ARHGAP32: variants seen among roughly 807,000 people sequenced by gnomAD.
ARHGAP32 encodes the protein Rho GTPase activating protein 32, also known as rho GTPase-activating protein 32.
A neutral mutation model predicts 186.5 loss-of-function variants in ARHGAP32; 51 were observed. The ratio of observed to expected loss-of-function variants is 0.27; its 90% CI spans 0.22 to 0.35. The LOEUF (loss-of-function observed/expected upper bound fraction) is 0.35, where lower values mean the gene tolerates loss of function less well. Among genes scored for constraint, ARHGAP32 ranks in the 10% least tolerant of loss-of-function variants. ARHGAP32 has a pLI of 1.00. For missense variants in ARHGAP32, 2,186 were observed against 2,623.5 expected (o/e 0.83, Z 3.64); for synonymous variants, 950 against 964.3 (o/e 0.99, Z 0.27).
chr11:129,192,160 G>C lies in ARHGAP32; in HGVS notation c.39C>G (p.Asp13Glu), dbSNP rs766679457. The C allele has an allele frequency of 6.2e-7, 1 of 1,613,794 alleles. No individual in the cohort carries two copies. Among genetic ancestry groups the C allele is most frequent in the Non-Finnish European group, 8.5e-7 (1 of 1,179,810 alleles). The stretch of plus-strand genomic sequence containing the variant: ...CTTCAGACTCCAACCAGAAGACACT[G>C]TCATCCCCTAAAGTGCTACTCTCAC... Reference protein sequence around the residue: ...TESESSTLGDDSVFWLESEVI... With the variant: ...TESESSTLGDESVFWLESEVI... Residue 13 changes from aspartate (D) to glutamate (E), a missense_variant, in exon 1 of 23, where the codon GAC (aspartate) becomes GAG (glutamate). Coordinates refer to ENST00000682385, the MANE Select transcript of ARHGAP32 (RefSeq NM_001378024.1).
chr11:129,193,549 A>C (rs370041266), upstream of ARHGAP32, among the ~76,000 whole-genome samples: 1 of 50,026 alleles, frequency 2.0e-5, no homozygotes, highest in Non-Finnish European at 3.4e-5. Context: ...TATTATATAT[A>C]ATATATATAT....
At position 128,985,852 on chromosome 11, in the gene ARHGAP32, G is replaced by A. The variant is rs1186416414; in HGVS notation, c.1526+151C>T. 345 of 129,770 alleles carry A rather than the reference G, an allele frequency of 2.7e-3. 1 individual carries two copies. The highest frequency in any genetic ancestry group is 0.013 in the African/African-American group (304 of 22,770). 8.0% of individuals were successfully genotyped at this position (129,770 alleles called of 1,614,324 possible). On this transcript the variant is annotated intron_variant, in intron 15 of 22. Transcript: ENST00000682385. ...TGTGCGTGTGTGTGTGTGTGTGTGT[G>A]TGTGTGTATATATATATATATATAT...
intron 17 of ARHGAP32, 71 bp from the exon 18 acceptor site, chr11:128,980,819 T>A (rs1372120482): frequency 4.5e-5 from 50 of 1,115,812 alleles, no homozygotes; most frequent in Non-Finnish European, 5.7e-5. Flanking sequence ...AGTATCTATC[T>A]CTCCATCTAT....
At chr11:129,058,183 A>AT in intron 10 of ARHGAP32, among the ~76,000 whole-genome samples, 1 of 75,140 alleles carries the variant, frequency 1.3e-5, no homozygotes, top group Admixed American at 1.4e-4. Flanking sequence ...ACAGAAAAAA[A>AT]AATATACACA....
At chr11:129,108,059 A>G (rs1565425998) in intron 5 of ARHGAP32, among the ~76,000 whole-genome samples, 1 of 152,148 alleles carries the variant, frequency 6.6e-6, no homozygotes, top group Admixed American at 6.5e-5. Context: ...AATTCAATTA[A>G]ATAAGAAAGA....
At chr11:129,261,637 G>GT (rs1411739075) in intron 1 of ARHGAP32, among the ~76,000 whole-genome samples, 1 of 152,150 alleles carries the variant, frequency 6.6e-6, no homozygotes, top group Non-Finnish European at 1.5e-5. Context: ...CCTCTCTTCT[G>GT]TGTTAAACAA....
At chr11:129,131,916 C>T (rs1942819248) in intron 2 of ARHGAP32, among the ~76,000 whole-genome samples, 2 of 152,152 alleles carry the variant, frequency 1.3e-5, no homozygotes, top group South Asian at 4.1e-4. Flanking sequence ...AAAAATAGTG[C>T]AAGACAAGAC....
Position 129,123,563 on chromosome 11 carries a change from A to G in ARHGAP32, c.360-33T>C. ...ACATGAAATAAATAAGAAACGAGAT[A>G]GTGAAACAGTAAAAATTACTAAGTT... On this transcript the variant is annotated intron_variant, in intron 4 of 22. Coordinates refer to ENST00000682385, the MANE Select transcript of ARHGAP32 (RefSeq NM_001378024.1). The surrounding 1 kb of genome is among the most constrained non-coding windows in gnomAD (Gnocchi z 4.6). 6.4e-7 allele frequency: 1 copy of G among 1,566,962 alleles called. No individual in the cohort carries two copies. The highest frequency in any genetic ancestry group is 1.1e-5 in the South Asian group (1 of 88,788).
chr11:129,089,805 G>A (rs902534594), intron 6 of ARHGAP32, among the ~76,000 whole-genome samples: 1 of 152,292 alleles, frequency 6.6e-6, no homozygotes, highest in African/African-American at 2.4e-5. Flanking sequence ...GCTTGAGCTA[G>A]CTTGGTAACA....
intron 10 of ARHGAP32, among the ~76,000 whole-genome samples, chr11:129,055,700 T>C (rs555293511): frequency 5.9e-5 from 9 of 152,104 alleles, no homozygotes; most frequent in African/African-American, 7.2e-5. Context: ...TACTATACGA[T>C]TCCAACAATA....
intron 10 of ARHGAP32, among the ~76,000 whole-genome samples, chr11:129,043,970 G>T (rs778308767): frequency 9.2e-5 from 14 of 151,908 alleles, no homozygotes; most frequent in Admixed American, 2.0e-4. Context: ...GCAATAAAGT[G>T]GAAACTCATT....
At chr11:129,080,107 A>G (rs1328157818) in intron 6 of ARHGAP32, among the ~76,000 whole-genome samples, 1 of 152,188 alleles carries the variant, frequency 6.6e-6, no homozygotes, top group African/African-American at 2.4e-5. Context: ...TTGTAAAATA[A>G]TAACTACTAG....
chr11:129,147,527 G>A (rs975945785), intron 2 of ARHGAP32, among the ~76,000 whole-genome samples: 1 of 152,118 alleles, frequency 6.6e-6, no homozygotes, highest in Non-Finnish European at 1.5e-5. Flanking sequence ...TAGGCGTATG[G>A]GATTTTGTTT....
chr11:129,274,839 C>T (rs7107758), intron 1 of ARHGAP32, among the ~76,000 whole-genome samples: 131,952 of 151,674 alleles, frequency 0.87, 57,680 homozygotes, highest in African/African-American at 0.95. Context: ...CTTTAGAGTA[C>T]ATATACATAT....
chr11:129,125,026 A>T, intron 2 of ARHGAP32, 132 bp from the exon 3 acceptor site: 1 of 551,502 alleles, frequency 1.8e-6, no homozygotes, highest in South Asian at 3.0e-5. Flanking sequence ...TAATAATCTT[A>T]AAATTACTGA....
chr11:129,090,031 C>A (rs1941529217), intron 6 of ARHGAP32, among the ~76,000 whole-genome samples: 1 of 152,144 alleles, frequency 6.6e-6, no homozygotes, highest in African/African-American at 2.4e-5. Context: ...GAAATGTATG[C>A]AAGTTACTCA....
intron 2 of ARHGAP32, among the ~76,000 whole-genome samples, chr11:129,141,279 C>G (rs781425229): frequency 1.3e-5 from 2 of 150,964 alleles, no homozygotes; most frequent in Non-Finnish European, 2.9e-5. Context: ...TTAAAAAACT[C>G]TCAGCATTGC....
At chr11:129,258,976 G>C (rs1945289569) in intron 1 of ARHGAP32, among the ~76,000 whole-genome samples, 1 of 152,102 alleles carries the variant, frequency 6.6e-6, no homozygotes, top group Non-Finnish European at 1.5e-5. Flanking sequence ...TATGATGACA[G>C]ATTTCTGCAC....
intron 10 of ARHGAP32, among the ~76,000 whole-genome samples, chr11:129,047,122 T>A (rs1187688146): frequency 6.8e-5 from 9 of 132,326 alleles, no homozygotes; most frequent in Non-Finnish European, 1.5e-4. Flanking sequence ...AGTGAAAGAC[T>A]CCGTCTCAAA....
Sources: gnomAD v4.1 joint callset for allele counts (sites outside exome capture counted in the v4.1 genomes callset) on GRCh38, gnomAD v4.1.1 for gene constraint, Gnocchi (gnomAD v3.1) non-coding constraint, MANE v1.5 for transcripts, NCBI Gene and HGNC (gene_info 2026-07-23, HGNC 2026-07-21) for gene names.